Variants in NLRP11 observed in about 807,000 individuals in gnomAD.
NLRP11 encodes the protein NLR family pyrin domain containing 11, also known as NACHT, LRR and PYD domains-containing protein 11.
In NLRP11, 53 loss-of-function variants were observed where a neutral mutation model predicts 79.3. That is an observed-to-expected ratio of 0.67 (90% CI 0.54 to 0.84). The LOEUF (loss-of-function observed/expected upper bound fraction) is 0.84, where lower values mean the gene tolerates loss of function less well. Ranked by LOEUF, NLRP11 falls within the 40% of genes least tolerant of loss-of-function variation. The probability of loss-of-function intolerance (pLI) is 0.00; values close to 1 mark genes in which losing one functional copy is unlikely to be tolerated. For missense variants in NLRP11, 1,264 were observed against 1,255.0 expected, an observed-to-expected ratio of 1.01 and a Z score of -0.11; for synonymous variants, 518 against 462.6, an observed-to-expected ratio of 1.12 and a Z score of -1.54.
At chr19:55,820,003 G>T (rs1042887991) in intron 1 of NLRP11, among the ~76,000 whole-genome samples, 1 of 152,122 alleles carries the variant, frequency 6.6e-6, no homozygotes, top group Non-Finnish European at 1.5e-5. Context: ...CCCAATAAAG[G>T]GGTAAAAAAA....
chr19:55,817,651 G>A (rs972306251), intron 2 of NLRP11, among the ~76,000 whole-genome samples: 13 of 152,052 alleles, frequency 8.5e-5, no homozygotes, highest in African/African-American at 2.4e-4. Flanking sequence ...ATGATACATT[G>A]GACTACAGGG....
upstream of NLRP11, among the ~76,000 whole-genome samples, chr19:55,833,822 A>C (rs527986727): frequency 6.2e-4 from 94 of 150,868 alleles, no homozygotes; most frequent in African/African-American, 2.2e-3. Flanking sequence ...AACAAATAAT[A>C]GTGAAAAAAA....
rs199475860 is a variant in NLRP11, at chr19:55,818,025, T to C, written c.150A>G (p.Glu50=). ...AGATTGGCAACACGTTAGCCAGTTCTTCTTTTGTCATCTGTATCAGTGGAA... is the reference window on the plus strand; with the variant it reads ...AGATTGGCAACACGTTAGCCAGTTCCTCTTTTGTCATCTGTATCAGTGGAA... Residue 50 remains glutamate (E), a synonymous_variant, in exon 2 of 10, where the codon GAA becomes GAG. Coordinates refer to ENST00000589093, the Ensembl canonical transcript of NLRP11. 6.2e-7 allele frequency: 1 copy of C among 1,614,178 alleles called. No homozygotes were observed. Among genetic ancestry groups the C allele is most frequent in the Non-Finnish European group, 8.5e-7 (1 of 1,180,014 alleles).
At chr19:55,828,349 T>C (rs945948866) in intron 1 of NLRP11, among the ~76,000 whole-genome samples, 3 of 151,676 alleles carry the variant, frequency 2.0e-5, no homozygotes, top group African/African-American at 7.3e-5. Context: ...CGCACCAGCA[T>C]GGCACATGTA....
At chr19:55,802,138 A>G (rs573050499) in intron 4 of NLRP11, among the ~76,000 whole-genome samples, 1 of 152,294 alleles carries the variant, frequency 6.6e-6, no homozygotes, top group African/African-American at 2.4e-5. Context: ...ACCACATGTA[A>G]ATTACTCCGT....
chr19:55,805,360 G>T (rs549267469), intron 4 of NLRP11, among the ~76,000 whole-genome samples: 2 of 152,112 alleles, frequency 1.3e-5, no homozygotes, highest in East Asian at 3.9e-4. Flanking sequence ...AGAACACACG[G>T]GAAGCCCTTT....
At chr19:55,796,407 C>T (rs1221580694) in intron 5 of NLRP11, among the ~76,000 whole-genome samples, 157 bp from the exon 6 acceptor site, 1 of 151,992 alleles carries the variant, frequency 6.6e-6, no homozygotes, top group African/African-American at 2.4e-5. Context: ...TCTCCCTATG[C>T]CACTCCTCAG....
intron 7 of NLRP11, among the ~76,000 whole-genome samples, chr19:55,789,870 C>A (rs16986581): frequency 0.086 from 13,047 of 152,220 alleles, 1,280 homozygotes; most frequent in African/African-American, 0.24. Flanking sequence ...AAGCAAGCAA[C>A]GTACTCACGA....
chr19:55,791,062 T>C (rs1317426463), intron 7 of NLRP11, among the ~76,000 whole-genome samples: 1 of 152,218 alleles, frequency 6.6e-6, no homozygotes, highest in Non-Finnish European at 1.5e-5. Context: ...TTGTTTTTTA[T>C]TTATAAAGTT....
exon 2 of NLRP11, chr19:55,817,961 T>C: frequency 1.2e-6 from 2 of 1,613,736 alleles, no homozygotes; most frequent in South Asian, 1.1e-5. Context: ...ATTGAAAATA[T>C]GCTGAAGAGC....
At chr19:55,799,289 C>A (rs1265367598) in intron 5 of NLRP11, among the ~76,000 whole-genome samples, 1 of 152,126 alleles carries the variant, frequency 6.6e-6, no homozygotes, top group Non-Finnish European at 1.5e-5. Flanking sequence ...AAGTTGATAT[C>A]TCTACAAATA....
chr19:55,786,827 G>T (rs73933366), intron 9 of NLRP11, among the ~76,000 whole-genome samples: 5,096 of 152,224 alleles, frequency 0.033, 248 homozygotes, highest in African/African-American at 0.11. Context: ...TTGAAGGTGA[G>T]AAGAGCCCTG....
intron 6 of NLRP11, among the ~76,000 whole-genome samples, chr19:55,794,173 G>GCA: frequency 6.6e-6 from 1 of 152,104 alleles, no homozygotes; most frequent in Non-Finnish European, 1.5e-5. Context: ...ATATTGTAGT[G>GCA]TTGTACAACT....
At chr19:55,821,730 A>C (rs1034708894) in intron 1 of NLRP11, among the ~76,000 whole-genome samples, 3 of 137,108 alleles carry the variant, frequency 2.2e-5, no homozygotes, top group East Asian at 2.1e-4. Flanking sequence ...GAACCCATTA[A>C]CATTGTTAGT....
intron 1 of NLRP11, among the ~76,000 whole-genome samples, chr19:55,823,913 C>T (rs1256285026): frequency 3.5e-5 from 5 of 141,938 alleles, no homozygotes; most frequent in African/African-American, 1.4e-4. Context: ...ATACAGAGAA[C>T]ACCACAAAGA....
At chr19:55,789,486 T>A in intron 7 of NLRP11, 87 bp from the exon 8 acceptor site, 1 of 1,243,152 alleles carries the variant, frequency 8.0e-7, no homozygotes, top group South Asian at 1.4e-5. Flanking sequence ...TGGACCCGTC[T>A]TGTGACATTC....
rs534731237 is a variant in NLRP11 at position 55,830,461 on chromosome 19, G to C, written c.-63+1502C>G. ...GTTCTTTAAGGTATGATTTTTAAGT[G>C]GTTTGGTAATAATGCACCAGAAATA... On this transcript the variant is annotated intron_variant, in intron 1 of 9. Coordinates refer to ENST00000589093, the Ensembl canonical transcript of NLRP11. Among the ~76,000 whole-genome samples, 99 of 152,034 alleles carry C rather than the reference G, an allele frequency of 6.5e-4. 1 individual carries two copies. The highest frequency in any genetic ancestry group is 2.2e-3 in the African/African-American group (93 of 41,492).
chr19:55,800,009 G>C (rs920862777), intron 5 of NLRP11, among the ~76,000 whole-genome samples: 2 of 152,078 alleles, frequency 1.3e-5, no homozygotes, highest in African/African-American at 2.4e-5. Context: ...AGGGATGAAG[G>C]GGGTGAAAGG....
At chr19:55,833,873 G>T (rs1016150707), upstream of NLRP11, among the ~76,000 whole-genome samples, 1 of 151,082 alleles carries the variant, frequency 6.6e-6, no homozygotes, top group African/African-American at 2.4e-5. Context: ...ACGAAAAGCT[G>T]GTTTATAACA....
Sources: gnomAD v4.1 joint callset for allele counts (sites outside exome capture counted in the v4.1 genomes callset) on GRCh38, gnomAD v4.1.1 for gene constraint, MANE v1.5 for transcripts, NCBI Gene and HGNC (gene_info 2026-07-23, HGNC 2026-07-21) for gene names.